CIT: variants seen among roughly 807,000 people sequenced by gnomAD.
CIT encodes the protein citron rho-interacting serine/threonine kinase.
CIT carries 79 observed loss-of-function variants against 272.7 expected under a neutral mutation model. The ratio of observed to expected loss-of-function variants is 0.29; its 90% CI spans 0.24 to 0.35. CIT has a LOEUF of 0.35. CIT is among the 10% of genes least tolerant of loss of function. The pLI, the probability that CIT is intolerant of heterozygous loss-of-function variation, is 1.00. For synonymous variants in CIT, 948 were observed against 995.6 expected (o/e 0.95, Z 0.90); for missense variants, 1,909 against 2,618.3 (o/e 0.73, Z 5.91).
At chr12:119,717,419 C>CTTTTTTTTTTTTTTTTTTTT (rs60611060) in intron 32 of CIT, among the ~76,000 whole-genome samples, 3 of 54,230 alleles carry the variant, frequency 5.5e-5, no homozygotes, top group Non-Finnish European at 8.3e-5. Context: ...CTTTTCTTTT[C>CTTTTTTTTTTTTTTTTTTTT]TTTTTTTTTT....
chr12:119,847,063 C>A (rs2138223082), intron 5 of CIT, among the ~76,000 whole-genome samples: 1 of 152,126 alleles, frequency 6.6e-6, no homozygotes, highest in East Asian at 1.9e-4. Context: ...GGGCTCACTG[C>A]AAGCTCCGCC....
Position 119,717,834 on chromosome 12 carries a change from C to CTTTTTTTTTTTTTT in CIT, c.4168+410_4168+411insAAAAAAAAAAAAAA, listed in dbSNP as rs546520444. ...GGATGGGGAGCCAGGAGACTGACTT[C>CTTTTTTTTTTTTTT]TTTCTTTTTTTTTTTTTTTTTTTTG... On this transcript the variant is annotated intron_variant, in intron 32 of 47. Transcript: ENST00000392521. 8.3e-4 allele frequency among the ~76,000 whole-genome samples: 58 copies of CTTTTTTTTTTTTTT among 70,234 alleles called. 1 individual carries two copies. Among genetic ancestry groups the CTTTTTTTTTTTTTT allele is most frequent in the Middle Eastern group, 8.1e-3 (1 of 124 alleles). 46.1% of individuals were successfully genotyped at this position (70,234 alleles called of 152,430 possible).
At position 119,701,968 on chromosome 12, in the gene CIT, G is replaced by A. The variant is rs1956605104; in HGVS notation, c.5305-10C>T. On this transcript the variant is annotated splice_polypyrimidine_tract_variant and intron_variant, in intron 41 of 47. Transcript: ENST00000392521. ...CTGAGGTCTCTATCTCCTGAGACAT[G>A]AGAGCAGAAGAGAAGGATGTGAGAG... 3 of 1,591,690 alleles carry A rather than the reference G, an allele frequency of 1.9e-6. No homozygotes were observed. Among genetic ancestry groups the A allele is most frequent in the Non-Finnish European group, 2.6e-6 (3 of 1,159,934 alleles).
intron 19 of CIT, among the ~76,000 whole-genome samples, chr12:119,765,557 G>A (rs892514348): frequency 1.1e-4 from 16 of 140,752 alleles, no homozygotes; most frequent in African/African-American, 2.4e-4. Context: ...TGCAACCTCC[G>A]CCTCCCAGGT....
intron 10 of CIT, among the ~76,000 whole-genome samples, chr12:119,786,136 T>C (rs1964777997): frequency 6.6e-6 from 1 of 152,192 alleles, no homozygotes; most frequent in Non-Finnish European, 1.5e-5. Flanking sequence ...ATACGATTTA[T>C]TATCCTCATT....
At chr12:119,815,974 G>A (rs1449905180) in intron 9 of CIT, among the ~76,000 whole-genome samples, 2 of 152,198 alleles carry the variant, frequency 1.3e-5, no homozygotes, top group African/African-American at 4.8e-5. Context: ...GAGTCAGGGA[G>A]ACCTGAGTTT....
chr12:119,744,137 C>T lies in CIT; in HGVS notation c.2905-1673G>A, dbSNP rs539689283. 4.6e-5 allele frequency among the ~76,000 whole-genome samples: 7 copies of T among 152,194 alleles called. No individual in the cohort carries two copies. In the South Asian group the frequency reaches 6.2e-4, roughly 14 times the overall value. On this transcript the variant is annotated intron_variant, in intron 23 of 47. Coordinates refer to ENST00000392521, the MANE Select transcript of CIT (RefSeq NM_001206999.2). Reference sequence around the variant, plus strand: ...TCATTCAAGCGAGAGATGATAGTGGCTTGGAGAAGGATGGTGGCAAAAACA... The same window carrying T: ...TCATTCAAGCGAGAGATGATAGTGGTTTGGAGAAGGATGGTGGCAAAAACA...
chr12:119,862,247 G>A (rs1360263211), intron 3 of CIT, among the ~76,000 whole-genome samples: 10 of 152,056 alleles, frequency 6.6e-5, no homozygotes, highest in Admixed American at 6.6e-4. Flanking sequence ...CACCCACCTC[G>A]GGCTCCCAAA....
intron 22 of CIT, among the ~76,000 whole-genome samples, chr12:119,757,117 TAA>T (rs367882787): frequency 1.2e-4 from 16 of 132,328 alleles, no homozygotes; most frequent in Admixed American, 1.5e-4. Flanking sequence ...AAGACTCTCT[TAA>T]AAAAAAAAAA....
In CIT at chr12:119,783,976, G is replaced by A; in HGVS notation, c.1477C>T (p.Leu493=). ...GATCTCTGAGTCTCAGAGGCCTTCA[G>A]CTCCACCTCCTTCTGACTAAGCACA... ...EAVLSQKEVE[L]KASETQRSLL... is the part of the protein sequence containing the mutation. The change falls in exon 12 of 48, where the codon CTG becomes TTG. Residue 493 remains leucine (L), a synonymous_variant. Coordinates refer to ENST00000392521, the MANE Select transcript of CIT (RefSeq NM_001206999.2). 1 of 1,613,478 alleles carries A rather than the reference G, an allele frequency of 6.2e-7. No individual in the cohort carries two copies. The highest frequency in any genetic ancestry group is 8.5e-7 in the Non-Finnish European group (1 of 1,179,674).
intron 3 of CIT, among the ~76,000 whole-genome samples, chr12:119,866,733 T>A (rs563025723): frequency 2.6e-5 from 4 of 152,258 alleles, no homozygotes; most frequent in Non-Finnish European, 5.9e-5. Context: ...ACAGGAGGAT[T>A]GCTTGAGCCC....
At chr12:119,827,961 T>G (rs1968305845) in intron 7 of CIT, among the ~76,000 whole-genome samples, 1 of 152,226 alleles carries the variant, frequency 6.6e-6, no homozygotes, top group South Asian at 2.1e-4. Flanking sequence ...TCTCCTTATT[T>G]GCAGCTCACA....
chr12:119,723,398 A>T (rs1344139776), intron 28 of CIT, among the ~76,000 whole-genome samples: 3 of 32,032 alleles, frequency 9.4e-5, no homozygotes, highest in Middle Eastern at 0.026. Flanking sequence ...CCTATACATT[A>T]AAAAAAAAAA....
At chr12:119,796,384 A>G (rs1965731015) in intron 10 of CIT, among the ~76,000 whole-genome samples, 3 of 152,356 alleles carry the variant, frequency 2.0e-5, no homozygotes, top group Admixed American at 6.5e-5. Flanking sequence ...AAAGATGGGT[A>G]TGGATGCAAG....
At position 119,828,357 on chromosome 12, in the gene CIT, C is replaced by A. The variant is rs185327984; in HGVS notation, c.754-2989G>T. Reference sequence around the variant, plus strand: ...AATGACAGTTAATGACTGCTAAGTTCCCATTAGTCACTGACCCCCAAGCAC... The same window carrying A: ...AATGACAGTTAATGACTGCTAAGTTACCATTAGTCACTGACCCCCAAGCAC... On this transcript the variant is annotated intron_variant, in intron 7 of 47. Transcript: ENST00000392521. 6.0e-4 allele frequency among the ~76,000 whole-genome samples: 92 copies of A among 152,200 alleles called. 1 individual carries two copies. The highest frequency in any genetic ancestry group is 1.9e-3 in the East Asian group (10 of 5,170).
chr12:119,812,869 G>A (rs1321734027), intron 9 of CIT, among the ~76,000 whole-genome samples: 1 of 151,512 alleles, frequency 6.6e-6, no homozygotes, highest in African/African-American at 2.4e-5. Flanking sequence ...TCTGGCTCAT[G>A]AAAAGCAGAC....
Position 119,710,629 on chromosome 12 carries a change from A to T in CIT, c.4855-9T>A. Reference sequence around the variant, plus strand: ...GAGTTTCCAAGCAGTTTCTTTTCATAGGTGAAAGAAAAGAAAAACAGAAGA... The same window carrying T: ...GAGTTTCCAAGCAGTTTCTTTTCATTGGTGAAAGAAAAGAAAAACAGAAGA... On this transcript the variant is annotated splice_polypyrimidine_tract_variant and intron_variant, in intron 37 of 47. Coordinates refer to ENST00000392521, the MANE Select transcript of CIT (RefSeq NM_001206999.2). The surrounding 1 kb of genome is among the most constrained non-coding windows in gnomAD (Gnocchi z 5.6). The T allele has an allele frequency of 6.2e-7, 1 of 1,612,532 alleles. No individual in the cohort carries two copies. Among genetic ancestry groups the T allele is most frequent in the Non-Finnish European group, 8.5e-7 (1 of 1,178,538 alleles).
chr12:119,690,093 T>TC lies in CIT; in HGVS notation c.6186+57dup. ...ACAGTGGCCCCGTGGGGGCCTCAGT[T>TC]CCCCAAGTCACTCCTGGCCTCCGCA... On this transcript the variant is annotated intron_variant, in intron 47 of 47. Transcript: ENST00000392521. This position sits in a 1 kb window ranked among gnomAD's most constrained non-coding sequence, Gnocchi z 6.0. 1.4e-6 allele frequency: 2 copies of TC among 1,405,222 alleles called. No homozygotes were observed. Among genetic ancestry groups the TC allele is most frequent in the Non-Finnish European group, 9.2e-7 (1 of 1,085,440 alleles). The allele number at this position is 1,405,222 out of a possible 1,614,324, so 87.0% of individuals were successfully genotyped here. A position where few individuals can be genotyped will look rare whatever the true frequency, so the allele number is the denominator to read the frequency against.
chr12:119,838,773 C>T (rs1461552744), intron 5 of CIT, among the ~76,000 whole-genome samples: 1 of 152,156 alleles, frequency 6.6e-6, no homozygotes, highest in Non-Finnish European at 1.5e-5. Context: ...TGGAAAATAA[C>T]CAGTCCATCA....
Sources: gnomAD v4.1 joint callset for allele counts (sites outside exome capture counted in the v4.1 genomes callset) on GRCh38, gnomAD v4.1.1 for gene constraint, Gnocchi (gnomAD v3.1) non-coding constraint, MANE v1.5 for transcripts, NCBI Gene and HGNC (gene_info 2026-07-23, HGNC 2026-07-21) for gene names.